The following LIMA1 variants were observed in gnomAD, a reference collection of about 807,000 sequenced individuals.
LIMA1 encodes LIM domain and actin binding 1, also known as LIM domain and actin-binding protein 1.
A neutral mutation model predicts 62.6 loss-of-function variants in LIMA1; 52 were observed. That is an observed-to-expected ratio of 0.83 (90% confidence interval 0.67 to 1.05). The LOEUF (loss-of-function observed/expected upper bound fraction) is 1.05, where lower values mean the gene tolerates loss of function less well. LIMA1 is among the 50% of genes least tolerant of loss of function. The pLI, the probability that LIMA1 is intolerant of heterozygous loss-of-function variation, is 0.00. For missense variants in LIMA1, 780 were observed against 902.2 expected (o/e 0.86, Z 1.74); for synonymous variants, 302 against 317.8 (o/e 0.95, Z 0.53).
intron 1 of LIMA1, 45 bp downstream of exon 1, chr12:50,283,375 G>A (rs530378117): frequency 2.6e-5 from 4 of 152,456 alleles, no homozygotes; most frequent in African/African-American, 9.6e-5. Context: ...GAGAGAAGCC[G>A]GGGTCTTCCC....
rs144728966 is a variant in LIMA1, at chr12:50,267,366, C to T, written c.-24+16054G>A. On this transcript the variant is annotated intron_variant, in intron 1 of 10. Coordinates refer to ENST00000341247, the MANE Select transcript of LIMA1 (RefSeq NM_016357.5). ...GATTACAGACGTGAGCCACCGCACC[C>T]GGTCACGCCCAGCTAATTTTTGTAT... Among the ~76,000 whole-genome samples, 114 of 151,942 alleles carry T rather than the reference C, an allele frequency of 7.5e-4. 3 individuals carry two copies. Among genetic ancestry groups the T allele is most frequent in the Admixed American group, 6.2e-3 (95 of 15,240 alleles).
intron 2 of LIMA1, among the ~76,000 whole-genome samples, chr12:50,241,933 ATTTTTTTTTTTTTTTTTTTTTT>A (rs577308413): frequency 4.1e-4 from 15 of 36,436 alleles, no homozygotes; most frequent in South Asian, 1.4e-3. Flanking sequence ...TCCTTCCCAG[ATTTTTTTTTTTTTTTTTTTTTT>A]TTTTTTTTTT....
chr12:50,268,440 T>C (rs1253367199), intron 1 of LIMA1, among the ~76,000 whole-genome samples: 2 of 152,174 alleles, frequency 1.3e-5, no homozygotes, highest in African/African-American at 2.4e-5. Flanking sequence ...ACGCTCACCA[T>C]CTAGACAGAT....
At position 50,224,924 on chromosome 12, in the gene LIMA1, C is replaced by T. The variant is rs978182752; in HGVS notation, c.166-2439G>A. Among the ~76,000 whole-genome samples, 6 of 123,032 alleles carry T rather than the reference C, an allele frequency of 4.9e-5. No homozygotes were observed. In the East Asian group the frequency reaches 7.2e-4, roughly 15 times the overall value. 80.7% of individuals were successfully genotyped at this position (123,032 alleles called of 152,430 possible). A position where few individuals can be genotyped will look rare whatever the true frequency, so the allele number is the denominator to read the frequency against. Reference sequence around the variant, plus strand: ...TTTTTTTTTTTTTTTTTTTTTGAGACGGAGGTTCACTCTTGTTGCACAGGC... The same window carrying T: ...TTTTTTTTTTTTTTTTTTTTTGAGATGGAGGTTCACTCTTGTTGCACAGGC... On this transcript the variant is annotated intron_variant, in intron 3 of 10. Transcript: ENST00000341247.
At chr12:50,197,480 C>A (rs577966573) in intron 7 of LIMA1, among the ~76,000 whole-genome samples, 1 of 151,836 alleles carries the variant, frequency 6.6e-6, no homozygotes, top group Non-Finnish European at 1.5e-5. Flanking sequence ...AAAAACATTG[C>A]GAATTTTAAG....
At chr12:50,190,663 A>T in intron 9 of LIMA1, among the ~76,000 whole-genome samples, 1 of 125,132 alleles carries the variant, frequency 8.0e-6, no homozygotes. Context: ...TACAGGCGTG[A>T]GCCACCACAC....
intron 2 of LIMA1, among the ~76,000 whole-genome samples, chr12:50,236,411 C>G (rs1316514596): frequency 6.6e-6 from 1 of 150,890 alleles, no homozygotes; most frequent in Non-Finnish European, 1.5e-5. Context: ...GATTCTCCTG[C>G]CTCAGCCTCC....
At chr12:50,222,580 G>C (rs1941466460) in intron 3 of LIMA1, 95 bp from the exon 4 acceptor site, 2 of 1,570,098 alleles carry the variant, frequency 1.3e-6, no homozygotes, top group Non-Finnish European at 1.7e-6. Flanking sequence ...ACTCCAAGCT[G>C]CTCCTGGTCC....
At position 50,183,103 on chromosome 12, in the gene LIMA1, G is replaced by A. The variant is rs7963427; in HGVS notation, c.1141-1066C>T. Among the ~76,000 whole-genome samples, 1,343 of 152,316 alleles carry A rather than the reference G, an allele frequency of 8.8e-3. 20 individuals are homozygous for A. The highest frequency in any genetic ancestry group is 0.03 in the African/African-American group (1,236 of 41,558). ...TGTAATCCCAGTTACTCGGGAGGCT[G>A]AGGCAGGAGAATGGCGTGAACCCGG... is the stretch of plus-strand genomic sequence containing the variant. On this transcript the variant is annotated intron_variant, in intron 9 of 10. Coordinates refer to ENST00000341247, the MANE Select transcript of LIMA1 (RefSeq NM_016357.5).
At chr12:50,201,769 AC>A (rs1464085673) in intron 6 of LIMA1, 8 of 152,694 alleles carry the variant, frequency 5.2e-5, no homozygotes, top group Admixed American at 1.3e-4. Flanking sequence ...GTGGTGGTGC[AC>A]ACTTGTAATC....
At chr12:50,210,294 G>A (rs981961422) in intron 4 of LIMA1, among the ~76,000 whole-genome samples, 6 of 151,748 alleles carry the variant, frequency 4.0e-5, no homozygotes, top group Non-Finnish European at 7.4e-5. Flanking sequence ...ATGGTGGCAC[G>A]TGCCTGTAAT....
At chr12:50,187,321 T>G (rs980252507) in intron 9 of LIMA1, 3 of 152,150 alleles carry the variant, frequency 2.0e-5, no homozygotes, top group African/African-American at 7.2e-5. Context: ...TGAAAGAAGA[T>G]GAAAATTCTG....
chr12:50,222,740 G>C, intron 3 of LIMA1: 2 of 1,299,522 alleles, frequency 1.5e-6, no homozygotes, highest in Non-Finnish European at 2.0e-6. Context: ...AGGACAAAAT[G>C]AGAAGAAAGG....
At chr12:50,220,900 G>A (rs964385961) in intron 4 of LIMA1, among the ~76,000 whole-genome samples, 2 of 152,202 alleles carry the variant, frequency 1.3e-5, no homozygotes, top group Non-Finnish European at 2.9e-5. Flanking sequence ...GCACAGAGAA[G>A]TGTTGTAGCT....
chr12:50,258,185 C>A (rs927052415), intron 1 of LIMA1, among the ~76,000 whole-genome samples: 1 of 152,166 alleles, frequency 6.6e-6, no homozygotes, highest in Non-Finnish European at 1.5e-5. Flanking sequence ...AAGTTAGCAT[C>A]TGGGCACTAC....
In LIMA1 at chr12:50,177,884, G is replaced by C. The variant is rs1225228428; in HGVS notation, c.1460C>G (p.Thr487Ser). The change falls in exon 11 of 11, where the codon ACC (threonine) becomes AGC (serine). Residue 487 changes from threonine (T) to serine (S), a missense_variant. Coordinates refer to ENST00000341247, the MANE Select transcript of LIMA1 (RefSeq NM_016357.5). ...RPAQLANARE[T>S]PHSPGVEDAP... ...ATCTTCTACCCCTGGGCTGTGAGGG[G>C]TCTCCCTTGCATTTGCAAGCTGGGC... The C allele has an allele frequency of 6.2e-7, 1 of 1,613,552 alleles. No individual in the cohort carries two copies. Among genetic ancestry groups the C allele is most frequent in the South Asian group, 1.1e-5 (1 of 90,978 alleles).
intron 1 of LIMA1, among the ~76,000 whole-genome samples, chr12:50,253,524 G>A (rs1941956291): frequency 1.3e-5 from 2 of 152,172 alleles, no homozygotes; most frequent in Admixed American, 6.5e-5. Flanking sequence ...TTTAGCCAAT[G>A]TAGAAAACCA....
chr12:50,254,603 T>C (rs1367739200), intron 1 of LIMA1, among the ~76,000 whole-genome samples: 1 of 152,090 alleles, frequency 6.6e-6, no homozygotes, highest in Non-Finnish European at 1.5e-5. Flanking sequence ...CGAACAAAGG[T>C]CCTTGAAAAG....
intron 3 of LIMA1, among the ~76,000 whole-genome samples, chr12:50,222,965 T>G (rs980995965): frequency 1.3e-5 from 2 of 151,964 alleles, no homozygotes; most frequent in East Asian, 3.9e-4. Context: ...GCAGGATAGT[T>G]GCAGGATAGC....
Sources: gnomAD v4.1 joint callset for allele counts (sites outside exome capture counted in the v4.1 genomes callset) on GRCh38, gnomAD v4.1.1 for gene constraint, MANE v1.5 for transcripts, NCBI Gene and HGNC (gene_info 2026-07-23, HGNC 2026-07-21) for gene names.